Variants in GNG7 observed in about 807,000 individuals in gnomAD.
GNG7 encodes the protein guanine nucleotide-binding protein G(I)/G(S)/G(O) subunit gamma-7.
In GNG7, 1 loss-of-function variant was observed where a neutral mutation model predicts 4.0. The observed-to-expected ratio is 0.25, with a 90% CI of 0.09 to 1.18. The LOEUF is 1.18. GNG7 is among the 50% of genes most tolerant of loss of function. The pLI is 0.50. For missense variants in GNG7, 86 were observed against 91.9 expected (o/e 0.94, Z 0.26); for synonymous variants, 34 against 36.9 (o/e 0.92, Z 0.29).
intron 2 of GNG7, among the ~76,000 whole-genome samples, chr19:2,641,542 CTA>C (rs1352066557): frequency 6.6e-6 from 1 of 152,132 alleles, no homozygotes; most frequent in Non-Finnish European, 1.5e-5. Context: ...GTGGGTGCCT[CTA>C]GACGCTGGGA....
At chr19:2,544,479 G>A (rs904940095) in intron 3 of GNG7, among the ~76,000 whole-genome samples, 11 of 152,190 alleles carry the variant, frequency 7.2e-5, no homozygotes, top group Non-Finnish European at 2.9e-5. Context: ...CCGCCTCCCG[G>A]GTTCAGGAGA....
chr19:2,570,435 G>T (rs1036071775), intron 2 of GNG7, among the ~76,000 whole-genome samples: 1 of 152,168 alleles, frequency 6.6e-6, no homozygotes, highest in Non-Finnish European at 1.5e-5. Flanking sequence ...CTGGGCCTCA[G>T]GTCAGGAAGG....
chr19:2,532,522 C>T (rs1056645514), intron 3 of GNG7, among the ~76,000 whole-genome samples: 1 of 151,972 alleles, frequency 6.6e-6, no homozygotes, highest in East Asian at 1.9e-4. Flanking sequence ...ATTGGAACAC[C>T]AGAAGGAGGA....
intron 1 of GNG7, among the ~76,000 whole-genome samples, chr19:2,689,094 T>A (rs1913072592): frequency 6.6e-6 from 1 of 150,920 alleles, no homozygotes; most frequent in East Asian, 2.0e-4. Flanking sequence ...ATTTAAAAAA[T>A]ATTACTTTTA....
At position 2,575,616 on chromosome 19, in the gene GNG7, CACAGACAT is replaced by C. The variant is rs1364471634; in HGVS notation, c.-77-20436_-77-20429del. 1.4e-3 allele frequency among the ~76,000 whole-genome samples: 190 copies of C among 139,902 alleles called. 2 individuals carry two copies. Among genetic ancestry groups the C allele is most frequent in the African/African-American group, 5.0e-3 (183 of 36,312 alleles). 91.8% of individuals were successfully genotyped at this position (139,902 alleles called of 152,430 possible). ...AGACACGCAGGCACACGCAGGCACA[CACAGACAT>C]GCAGGCACACACAGGCACACGCAGA... On this transcript the variant is annotated intron_variant, in intron 2 of 4. Coordinates refer to ENST00000382159, the MANE Select transcript of GNG7 (RefSeq NM_052847.3).
At position 2,683,173 on chromosome 19, in the gene GNG7, A is replaced by G. The variant is rs528878601; in HGVS notation, c.-135+19473T>C. ...AGAATCGCTTGAACCCGGGAGGCAG[A>G]GGTTGCAGTGAGCCGAGATTGTGCC... On this transcript the variant is annotated intron_variant, in intron 1 of 4. Coordinates refer to ENST00000382159, the MANE Select transcript of GNG7 (RefSeq NM_052847.3). Among the ~76,000 whole-genome samples the G allele has an allele frequency of 1.9e-4, 29 of 151,984 alleles. 1 individual carries two copies. The East Asian group carries it at 5.4e-3, about 29-fold the overall frequency.
chr19:2,534,926 T>C (rs1024228680), intron 3 of GNG7, among the ~76,000 whole-genome samples: 9 of 152,144 alleles, frequency 5.9e-5, no homozygotes, highest in South Asian at 2.1e-4. Context: ...GGCCCCCACA[T>C]TGGGGAGGGG....
chr19:2,579,639 G>C (rs1427755079), intron 2 of GNG7, among the ~76,000 whole-genome samples: 4 of 152,206 alleles, frequency 2.6e-5, no homozygotes, highest in African/African-American at 7.2e-5. Context: ...CTTCCTCGGG[G>C]ACATGCAAGG....
At chr19:2,663,138 G>A (rs1280402070) in intron 1 of GNG7, among the ~76,000 whole-genome samples, 1 of 152,194 alleles carries the variant, frequency 6.6e-6, no homozygotes, top group Non-Finnish European at 1.5e-5. Flanking sequence ...CATCTGCAAA[G>A]GGAAGGAAGG....
rs1420481919 is a variant in GNG7, at chr19:2,512,148, TC to T, written c.*2873del. ...CCCTGGCGTAGCTGAGAGAGGCTTG[TC>T]CCCCCAAGGCTAGAGCTGCTGCTGC... On this transcript the variant is annotated 3_prime_UTR_variant, in exon 5 of 5. Coordinates refer to ENST00000382159, the MANE Select transcript of GNG7 (RefSeq NM_052847.3). This position sits in a 1 kb window ranked among gnomAD's most constrained non-coding sequence, Gnocchi z 4.7. The T allele has an allele frequency of 4.1e-6, 4 of 985,606 alleles. No individual in the cohort carries two copies. Among genetic ancestry groups the T allele is most frequent in the South Asian group, 4.7e-5 (1 of 21,272 alleles). 61.1% of individuals were successfully genotyped at this position (985,606 alleles called of 1,614,324 possible). A position where few individuals can be genotyped will look rare whatever the true frequency, so the allele number is the denominator to read the frequency against.
chr19:2,668,346 T>C (rs1983363946), intron 1 of GNG7, among the ~76,000 whole-genome samples: 2 of 152,130 alleles, frequency 1.3e-5, no homozygotes, highest in South Asian at 4.1e-4. Context: ...AATGAGATGA[T>C]TATGTAAAAC....
intron 2 of GNG7, among the ~76,000 whole-genome samples, chr19:2,571,990 G>A (rs191871436): frequency 2.0e-3 from 303 of 152,122 alleles, no homozygotes; most frequent in African/African-American, 7.1e-3. Flanking sequence ...ATGCCACATT[G>A]TCCCTCTCTC....
chr19:2,553,479 T>G (rs9676984), intron 3 of GNG7, among the ~76,000 whole-genome samples: 1 of 147,004 alleles, frequency 6.8e-6, no homozygotes, highest in Non-Finnish European at 1.5e-5. Flanking sequence ...TATTATATAC[T>G]ATATATTATA....
chr19:2,666,358 A>C (rs886253624), intron 1 of GNG7, among the ~76,000 whole-genome samples: 1 of 151,886 alleles, frequency 6.6e-6, no homozygotes, highest in Admixed American at 6.6e-5. Flanking sequence ...TTTTTAGTAG[A>C]GATGGGGTTT....
chr19:2,601,486 C>A (rs963690408), intron 2 of GNG7, among the ~76,000 whole-genome samples: 2 of 152,108 alleles, frequency 1.3e-5, no homozygotes, highest in African/African-American at 4.8e-5. Context: ...CAATGAGCTC[C>A]CCAGGAACAA....
chr19:2,598,623 C>G (rs1981102563), intron 2 of GNG7, among the ~76,000 whole-genome samples: 1 of 151,336 alleles, frequency 6.6e-6, no homozygotes, highest in South Asian at 2.1e-4. Flanking sequence ...CGCCACTGCA[C>G]TCCAGCCTGA....
At chr19:2,695,784 G>A (rs1179623876) in intron 1 of GNG7, among the ~76,000 whole-genome samples, 1 of 152,162 alleles carries the variant, frequency 6.6e-6, no homozygotes, top group African/African-American at 2.4e-5. Context: ...AGAAACCAGA[G>A]GCTGATTCGT....
In GNG7 at chr19:2,627,100, G is replaced by T. The variant is rs141266800; in HGVS notation, c.-78+19124C>A. Among the ~76,000 whole-genome samples the T allele has an allele frequency of 3.3e-3, 507 of 152,234 alleles. 3 individuals are homozygous for T. The highest frequency in any genetic ancestry group is 0.011 in the African/African-American group (465 of 41,524). On this transcript the variant is annotated intron_variant, in intron 2 of 4. Transcript: ENST00000382159. ...GATTTCAATGTGTGCAGCCTCCTGG[G>T]ACCTCCGCAGGGCAGAGGATCATGG...
rs535099985 is a variant in GNG7, at chr19:2,701,603, C to A, written c.-135+1043G>T. Among the ~76,000 whole-genome samples the A allele has an allele frequency of 1.4e-4, 21 of 151,296 alleles. No individual in the cohort carries two copies. In the South Asian group the frequency reaches 3.1e-3, roughly 23 times the overall value. ...CCCTGGGCCGTCAATCACACCCCCC[C>A]ATCTTCACCAACCCCATTCCTCAGT... On this transcript the variant is annotated intron_variant, in intron 1 of 4. Coordinates refer to ENST00000382159, the MANE Select transcript of GNG7 (RefSeq NM_052847.3).
Sources: gnomAD v4.1 joint callset for allele counts (sites outside exome capture counted in the v4.1 genomes callset) on GRCh38, gnomAD v4.1.1 for gene constraint, Gnocchi (gnomAD v3.1) non-coding constraint, MANE v1.5 for transcripts, NCBI Gene and HGNC (gene_info 2026-07-23, HGNC 2026-07-21) for gene names.